CNTNAP3B: variants seen among roughly 807,000 people sequenced by gnomAD.
CNTNAP3B encodes contactin associated protein family member 3B.
In CNTNAP3B, 25 loss-of-function variants were observed where a neutral mutation model predicts 108.9. The ratio of observed to expected loss-of-function variants is 0.23; its 90% CI spans 0.17 to 0.32. The LOEUF (loss-of-function observed/expected upper bound fraction) is 0.32, where lower values mean the gene tolerates loss of function less well. Among genes scored for constraint, CNTNAP3B ranks in the 10% least tolerant of loss-of-function variants. The pLI is 1.00. For missense variants in CNTNAP3B, 252 were observed against 1,210.4 expected, an observed-to-expected ratio of 0.21 and a Z score of 11.75; for synonymous variants, 103 against 473.4, an observed-to-expected ratio of 0.22 and a Z score of 10.16.
intron 12 of CNTNAP3B, among the ~76,000 whole-genome samples, chr9:41,956,230 CA>C (rs1587142647): frequency 6.6e-6 from 1 of 152,018 alleles, no homozygotes; most frequent in East Asian, 1.9e-4. Flanking sequence ...ACTAAAAATA[CA>C]AAAAATTAGC....
intron 3 of CNTNAP3B, among the ~76,000 whole-genome samples, chr9:42,076,260 C>CAAAA (rs58062908): frequency 3.6e-5 from 3 of 83,962 alleles, no homozygotes. Flanking sequence ...ACTAAAAATA[C>CAAAA]AAAAAAAAAA....
At chr9:41,925,969 C>A (rs1823807471) in intron 15 of CNTNAP3B, among the ~76,000 whole-genome samples, 1 of 152,288 alleles carries the variant, frequency 6.6e-6, no homozygotes, top group African/African-American at 2.4e-5. Flanking sequence ...GGTGTCATTG[C>A]TTCTAGCCCT....
chr9:41,965,296 C>G (rs1245921853), intron 10 of CNTNAP3B, among the ~76,000 whole-genome samples: 1 of 152,192 alleles, frequency 6.6e-6, no homozygotes, highest in Non-Finnish European at 1.5e-5. Flanking sequence ...CCTCAAGGGA[C>G]CCTGAACCAG....
intron 3 of CNTNAP3B, among the ~76,000 whole-genome samples, chr9:42,020,503 T>G (rs1406251147): frequency 1.4e-5 from 2 of 144,272 alleles, no homozygotes; most frequent in East Asian, 4.2e-4. Context: ...TAAATCTTTG[T>G]GCTTTATAAA....
rs1052691613 is a variant in CNTNAP3B at position 42,121,970 on chromosome 9, A to G, written c.85+7040T>C. On this transcript the variant is annotated intron_variant, in intron 1 of 23. Coordinates refer to ENST00000377561, the MANE Select transcript of CNTNAP3B (RefSeq NM_001201380.3). ...ACAGTATGAGCATCAGCATATTTGC[A>G]TCAATTTCCTTGCCTCCAAGTCCTC... Among the ~76,000 whole-genome samples the G allele has an allele frequency of 2.9e-5, 4 of 139,930 alleles. 1 individual carries two copies. The highest frequency in any genetic ancestry group is 5.6e-5 in the African/African-American group (2 of 35,434). The allele number at this position is 139,930 out of a possible 152,430, so 91.8% of individuals were successfully genotyped here. A position where few individuals can be genotyped will look rare whatever the true frequency, so the allele number is the denominator to read the frequency against.
Position 42,124,084 on chromosome 9 carries a change from T to G in CNTNAP3B, c.85+4926A>C, listed in dbSNP as rs1461973267. On this transcript the variant is annotated intron_variant, in intron 1 of 23. Coordinates refer to ENST00000377561, the MANE Select transcript of CNTNAP3B (RefSeq NM_001201380.3). Reference sequence around the variant, plus strand: ...TTGGTAATTTAATTCTTAGCAATAATTTTAATTGCTGCCTAATTAAGTAGG... The same window carrying G: ...TTGGTAATTTAATTCTTAGCAATAAGTTTAATTGCTGCCTAATTAAGTAGG... Among the ~76,000 whole-genome samples, 12 of 138,430 alleles carry G rather than the reference T, an allele frequency of 8.7e-5. 4 individuals carry two copies. The highest frequency in any genetic ancestry group is 3.5e-4 in the African/African-American group (12 of 34,770). 90.8% of individuals were successfully genotyped at this position (138,430 alleles called of 152,430 possible). A position where few individuals can be genotyped will look rare whatever the true frequency, so the allele number is the denominator to read the frequency against.
intron 3 of CNTNAP3B, among the ~76,000 whole-genome samples, chr9:42,053,975 G>A (rs1257695267): frequency 2.0e-5 from 3 of 151,910 alleles, no homozygotes; most frequent in Non-Finnish European, 2.9e-5. Context: ...AGAACTCTGG[G>A]AGTATATCAA....
In CNTNAP3B at chr9:42,054,167, G is replaced by A. The variant is rs575437389; in HGVS notation, c.390+22702C>T. Among the ~76,000 whole-genome samples, 106 of 91,448 alleles carry A rather than the reference G, an allele frequency of 1.2e-3. 6 individuals are homozygous for A. Among genetic ancestry groups the A allele is most frequent in the South Asian group, 2.6e-3 (8 of 3,030 alleles). The allele number at this position is 91,448 out of a possible 152,430, so 60.0% of individuals were successfully genotyped here. A position where few individuals can be genotyped will look rare whatever the true frequency, so the allele number is the denominator to read the frequency against. ...GTAGCTTGTTGCAGCACTTCTGTGC[G>A]TGTGTGTGTGTGTTTGCACACACTC... On this transcript the variant is annotated intron_variant, in intron 3 of 23. Transcript: ENST00000377561.
chr9:41,932,517 C>CTTTTTT (rs1178493391), intron 14 of CNTNAP3B, among the ~76,000 whole-genome samples: 2 of 124,864 alleles, frequency 1.6e-5, no homozygotes, highest in Non-Finnish European at 1.7e-5. Flanking sequence ...ACTTTTTTTT[C>CTTTTTT]TTCTTTTTTT....
rs532276525 is a variant in CNTNAP3B, at chr9:42,041,757, T to G, written c.391-28232A>C. On this transcript the variant is annotated intron_variant, in intron 3 of 23. Coordinates refer to ENST00000377561, the MANE Select transcript of CNTNAP3B (RefSeq NM_001201380.3). ...TACTGGGTATATACCCAGAGGATTA[T>G]AAATCATGCTGCTATAAAGACACAT... Among the ~76,000 whole-genome samples the G allele has an allele frequency of 3.6e-5, 5 of 139,136 alleles. No individual in the cohort carries two copies. In the East Asian group the frequency reaches 6.5e-4, roughly 18 times the overall value. 91.3% of individuals were successfully genotyped at this position (139,136 alleles called of 152,430 possible). A position where few individuals can be genotyped will look rare whatever the true frequency, so the allele number is the denominator to read the frequency against.
At chr9:42,109,391 C>G (rs1177131465) in intron 1 of CNTNAP3B, among the ~76,000 whole-genome samples, 1 of 147,674 alleles carries the variant, frequency 6.8e-6, no homozygotes, top group Non-Finnish European at 1.5e-5. Flanking sequence ...TAAACATAAA[C>G]CATGCATTTT....
intron 14 of CNTNAP3B, among the ~76,000 whole-genome samples, chr9:41,934,124 CACACACATATATATAT>C (rs1174460101): frequency 9.5e-6 from 1 of 105,670 alleles, no homozygotes; most frequent in African/African-American, 4.1e-5. Context: ...TATATATATA[CACACACATATATATAT>C]ACACACACAT....
At chr9:42,018,818 C>A (rs1463328110) in intron 3 of CNTNAP3B, among the ~76,000 whole-genome samples, 1 of 151,896 alleles carries the variant, frequency 6.6e-6, no homozygotes, top group Non-Finnish European at 1.5e-5. Flanking sequence ...AGATACTCAA[C>A]CATGCGGAGC....
intron 8 of CNTNAP3B, among the ~76,000 whole-genome samples, chr9:41,986,578 CAA>C (rs1243839289): frequency 6.7e-6 from 1 of 150,250 alleles, no homozygotes; most frequent in Non-Finnish European, 1.5e-5. Context: ...ATTTAATTAT[CAA>C]ATATATACAG....
chr9:41,990,665 G>A (rs545580388), intron 8 of CNTNAP3B, among the ~76,000 whole-genome samples: 5 of 123,640 alleles, frequency 4.0e-5, no homozygotes, highest in Non-Finnish European at 6.8e-5. Flanking sequence ...TTCAGATTAC[G>A]CTTTTTTTTT....
At chr9:42,110,227 T>C (rs1311588212) in intron 1 of CNTNAP3B, among the ~76,000 whole-genome samples, 1 of 134,208 alleles carries the variant, frequency 7.5e-6, no homozygotes, top group Admixed American at 7.5e-5. Flanking sequence ...ACGTTTAACA[T>C]CCCTTTGAAT....
intron 15 of CNTNAP3B, among the ~76,000 whole-genome samples, chr9:41,924,645 G>GCGCGCGCGCGCA (rs1474850625): frequency 1.3e-3 from 173 of 135,112 alleles, no homozygotes; most frequent in Non-Finnish European, 1.8e-3. Context: ...TTTCCTTCCT[G>GCGCGCGCGCGCA]CACACACACA....
At chr9:42,004,014 TAG>T (rs1260272601) in intron 4 of CNTNAP3B, among the ~76,000 whole-genome samples, 4 of 145,862 alleles carry the variant, frequency 2.7e-5, no homozygotes, top group African/African-American at 5.2e-5. Flanking sequence ...ATCATTTTCA[TAG>T]AGTTATAATT....
chr9:41,927,458 G>A (rs1258509482), intron 15 of CNTNAP3B, among the ~76,000 whole-genome samples: 169 of 150,920 alleles, frequency 1.1e-3, no homozygotes, highest in African/African-American at 4.0e-3. Flanking sequence ...AAAGAAGAGA[G>A]GGAGGGAGGG....
Sources: gnomAD v4.1 joint callset for allele counts (sites outside exome capture counted in the v4.1 genomes callset) on GRCh38, gnomAD v4.1.1 for gene constraint, MANE v1.5 for transcripts, NCBI Gene and HGNC (gene_info 2026-07-23, HGNC 2026-07-21) for gene names.